Variants in METTL14 observed in about 807,000 individuals in gnomAD.
METTL14 encodes the protein methyltransferase 14, N6-adenosine-methyltransferase non-catalytic subunit.
Under a neutral mutation model 62.4 loss-of-function variants are expected in METTL14, and 32 were observed. The observed-to-expected ratio is 0.51, with a 90% CI of 0.39 to 0.69. The LOEUF (loss-of-function observed/expected upper bound fraction) is 0.69. Ranked by LOEUF, METTL14 falls within the 30% of genes least tolerant of loss-of-function variation. The probability of loss-of-function intolerance (pLI) is 0.00; values close to 1 mark genes in which losing one functional copy is unlikely to be tolerated. For synonymous variants in METTL14, 150 were observed against 180.0 expected, an observed-to-expected ratio of 0.83 and a Z score of 1.34; for missense variants, 340 against 551.9, an observed-to-expected ratio of 0.62 and a Z score of 3.85.
intron 10 of METTL14, among the ~76,000 whole-genome samples, chr4:118,709,550 T>C (rs569236955): frequency 1.1e-4 from 16 of 152,236 alleles, no homozygotes; most frequent in African/African-American, 3.9e-4. Context: ...GGGAGTAACA[T>C]GGTAGTGGTT....
intron 8 of METTL14, among the ~76,000 whole-genome samples, chr4:118,702,983 T>TG (rs1278824440): frequency 7.7e-6 from 1 of 130,638 alleles, no homozygotes; most frequent in East Asian, 2.4e-4. Context: ...TATTATACTT[T>TG]AAGTTCTGGG....
At chr4:118,688,321 C>G (rs889320645) in intron 2 of METTL14, among the ~76,000 whole-genome samples, 6 of 152,038 alleles carry the variant, frequency 3.9e-5, no homozygotes, top group African/African-American at 7.2e-5. Context: ...CCTGTAATCC[C>G]CGCTACTCGG....
intron 6 of METTL14, 41 bp from the exon 7 acceptor site, chr4:118,697,141 A>G: frequency 1.3e-6 from 2 of 1,498,406 alleles, no homozygotes; most frequent in South Asian, 1.3e-5. Context: ...TTTAAAAAGC[A>G]TTTTTTTAAA....
At position 118,710,032 on chromosome 4, in the gene METTL14, C is replaced by T; in HGVS notation, c.1101C>T (p.Ser367=). ...WLTVGPTLTN[S]NYNAETYASY... Reference sequence around the variant, plus strand: ...CAGTTGGACCAACGCTTACAAATAGCAACTACAATGCAGAAACATATGCAT... The same window carrying T: ...CAGTTGGACCAACGCTTACAAATAGTAACTACAATGCAGAAACATATGCAT... The change falls in exon 11 of 11, where the codon AGC becomes AGT. Residue 367 remains serine (S), a synonymous_variant. Coordinates refer to ENST00000388822, the MANE Select transcript of METTL14 (RefSeq NM_020961.4). 1.2e-6 allele frequency: 2 copies of T among 1,613,096 alleles called. No individual in the cohort carries two copies. Among genetic ancestry groups the T allele is most frequent in the South Asian group, 1.1e-5 (1 of 90,876 alleles).
rs1214580896 is a variant in METTL14 at position 118,712,396 on chromosome 4, C to T, written c.*2094C>T. Reference sequence around the variant, plus strand: ...CTTTGTGAGGCCGATGTGGGTGGATCACTTGAGGTCAGGAGTTTGAGACCA... The same window carrying T: ...CTTTGTGAGGCCGATGTGGGTGGATTACTTGAGGTCAGGAGTTTGAGACCA... On this transcript the variant is annotated 3_prime_UTR_variant, in exon 11 of 11. Coordinates refer to ENST00000388822, the MANE Select transcript of METTL14 (RefSeq NM_020961.4). 6.6e-6 allele frequency: 1 copy of T among 152,176 alleles called. No individual in the cohort carries two copies. The highest frequency in any genetic ancestry group is 2.4e-5 in the African/African-American group (1 of 41,442). The allele number at this position is 152,176 out of a possible 1,614,324, so 9.4% of individuals were successfully genotyped here. A position where few individuals can be genotyped will look rare whatever the true frequency, so the allele number is the denominator to read the frequency against.
At chr4:118,687,801 G>A (rs1724117003) in intron 1 of METTL14, 122 bp from the exon 2 acceptor site, 1 of 670,918 alleles carries the variant, frequency 1.5e-6, no homozygotes. Flanking sequence ...GTGTGTGTGT[G>A]TGTGTGTGTG....
At position 118,711,175 on chromosome 4, in the gene METTL14, A is replaced by G. The variant is rs1724908333; in HGVS notation, c.*873A>G. 6.6e-6 allele frequency: 1 copy of G among 152,214 alleles called. No individual in the cohort carries two copies. The highest frequency in any genetic ancestry group is 2.1e-4 in the South Asian group (1 of 4,830). The allele number at this position is 152,214 out of a possible 1,614,324, so 9.4% of individuals were successfully genotyped here. A position where few individuals can be genotyped will look rare whatever the true frequency, so the allele number is the denominator to read the frequency against. On this transcript the variant is annotated 3_prime_UTR_variant, in exon 11 of 11. Transcript: ENST00000388822. ...GGTGATGAAATGACATACACCTTTAAACTTGTTATGGAGATAGTTTAATGT... is the reference window on the plus strand; with the variant it reads ...GGTGATGAAATGACATACACCTTTAGACTTGTTATGGAGATAGTTTAATGT...
In METTL14 at chr4:118,694,478, TC is replaced by T; in HGVS notation, c.456del (p.Ile153SerfsTer3). The T allele has an allele frequency of 6.2e-7, 1 of 1,613,222 alleles. No individual in the cohort carries two copies. Among genetic ancestry groups the T allele is most frequent in the Non-Finnish European group, 8.5e-7 (1 of 1,179,626 alleles). ...GAAGAATATCCTAAACTGAGGGAGC[TC>T]ATCAGGCTAAAGGATGAGTTAATAG... ...RFEEYPKLRELIRLKDELIAK... is the reference protein window; with the variant it reads ...RFEEYPKLREXIRLKDELIAK... On this transcript the variant is annotated frameshift_variant, in exon 6 of 11. Transcript: ENST00000388822. LOFTEE classifies it high-confidence loss of function.
chr4:118,686,169 AC>A (rs1300546208), intron 1 of METTL14, among the ~76,000 whole-genome samples: 1 of 152,216 alleles, frequency 6.6e-6, no homozygotes, highest in Non-Finnish European at 1.5e-5. Context: ...AGGTATTATT[AC>A]CTTCACTTAT....
At chr4:118,694,281 A>G (rs1459862801) in intron 5 of METTL14, among the ~76,000 whole-genome samples, 155 bp from the exon 6 acceptor site, 1 of 152,140 alleles carries the variant, frequency 6.6e-6, no homozygotes, top group Admixed American at 6.5e-5. Context: ...CTGCATACAT[A>G]TTATTTAAAA....
chr4:118,711,807 A>G lies in METTL14; in HGVS notation c.*1505A>G, dbSNP rs1258575663. On this transcript the variant is annotated 3_prime_UTR_variant, in exon 11 of 11. Transcript: ENST00000388822. ...TCTATATGTCAGCATTGACCTGGGA[A>G]TGAAGTCAGGATAGAGAAATTCCAC... 3 of 152,196 alleles carry G rather than the reference A, an allele frequency of 2.0e-5. No homozygotes were observed. The highest frequency in any genetic ancestry group is 4.4e-5 in the Non-Finnish European group (3 of 68,044). 9.4% of individuals were successfully genotyped at this position (152,196 alleles called of 1,614,324 possible). A position where few individuals can be genotyped will look rare whatever the true frequency, so the allele number is the denominator to read the frequency against.
intron 7 of METTL14, among the ~76,000 whole-genome samples, chr4:118,699,940 A>G (rs1449884406): frequency 6.6e-6 from 1 of 152,166 alleles, no homozygotes; most frequent in African/African-American, 2.4e-5. Flanking sequence ...TTTTCATGTT[A>G]GAGAGTCGGT....
In METTL14 at chr4:118,714,954, A is replaced by G. The variant is rs756623721; in HGVS notation, c.*4652A>G. ...GTGTGACCACATTTACTTAAAAAAG[A>G]GGAAAAAAGGTTACTTGCTTGAGAC... On this transcript the variant is annotated 3_prime_UTR_variant, in exon 11 of 11. Coordinates refer to ENST00000388822, the MANE Select transcript of METTL14 (RefSeq NM_020961.4). 7.9e-5 allele frequency: 12 copies of G among 152,244 alleles called. No homozygotes were observed. Among genetic ancestry groups the G allele is most frequent in the Non-Finnish European group, 1.8e-4 (12 of 68,048 alleles). The allele number at this position is 152,244 out of a possible 1,614,324, so 9.4% of individuals were successfully genotyped here. A position where few individuals can be genotyped will look rare whatever the true frequency, so the allele number is the denominator to read the frequency against.
chr4:118,696,530 A>T (rs1724418237), intron 6 of METTL14, among the ~76,000 whole-genome samples: 1 of 152,186 alleles, frequency 6.6e-6, no homozygotes, highest in Non-Finnish European at 1.5e-5. Context: ...CAATATAGTG[A>T]GACCTTGTCT....
Position 118,705,801 on chromosome 4 carries a change from G to T in METTL14, c.1046G>T (p.Arg349Ile). Residue 349 changes from arginine to isoleucine, a missense_variant, in exon 10 of 11, where the codon AGA becomes ATA. Coordinates refer to ENST00000388822, the MANE Select transcript of METTL14 (RefSeq NM_020961.4). The part of the protein sequence containing the change: ...LGRRRLHLFG[R>I]DSTIRPGWLT... The stretch of plus-strand genomic sequence containing the variant: ...AGAAGACGCCTTCATCTATTTGGAA[G>T]AGATAGTACAATTCGACCAGGTAGG... The T allele has an allele frequency of 6.2e-7, 1 of 1,613,708 alleles. No homozygotes were observed. The highest frequency in any genetic ancestry group is 1.1e-5 in the South Asian group (1 of 91,036).
At chr4:118,693,599 A>G (rs1724318757) in intron 5 of METTL14, among the ~76,000 whole-genome samples, 1 of 152,200 alleles carries the variant, frequency 6.6e-6, no homozygotes, top group Non-Finnish European at 1.5e-5. Context: ...TAATGTTTTT[A>G]TAAGCAAAAT....
At chr4:118,691,506 ATTTAC>A in intron 3 of METTL14, 21 bp from the exon 4 acceptor site, 1 of 1,350,874 alleles carries the variant, frequency 7.4e-7, no homozygotes, top group Non-Finnish European at 1.0e-6. Flanking sequence ...TTTGTAAAAT[ATTTAC>A]TTAATCTTAT....
chr4:118,706,188 A>G (rs1724752000), intron 10 of METTL14, among the ~76,000 whole-genome samples: 1 of 152,198 alleles, frequency 6.6e-6, no homozygotes, highest in African/African-American at 2.4e-5. Flanking sequence ...AATGACATCT[A>G]TCCACCATTA....
At chr4:118,708,491 G>A (rs921820913) in intron 10 of METTL14, among the ~76,000 whole-genome samples, 1 of 152,096 alleles carries the variant, frequency 6.6e-6, no homozygotes, top group Non-Finnish European at 1.5e-5. Flanking sequence ...ATGTGCTCTT[G>A]ATCATGGTAT....
Sources: allele counts gnomAD v4.1 joint callset (sites outside exome capture counted in the v4.1 genomes callset), GRCh38; gene constraint gnomAD v4.1.1; transcripts MANE v1.5; gene names NCBI Gene and HGNC (gene_info 2026-07-23, HGNC 2026-07-21).